MDC1: variants seen among roughly 807,000 people sequenced by gnomAD.
The protein encoded by MDC1 is mediator of DNA damage checkpoint protein 1.
In MDC1, 81 loss-of-function variants were observed where a neutral mutation model predicts 142.5. The observed-to-expected ratio is 0.57, with a 90% confidence interval of 0.47 to 0.68. The LOEUF (loss-of-function observed/expected upper bound fraction) is 0.68. MDC1 is among the 30% of genes least tolerant of loss of function. The probability of loss-of-function intolerance (pLI) is 0.00; values close to 1 mark genes in which losing one functional copy is unlikely to be tolerated. For synonymous variants in MDC1, 797 were observed against 968.4 expected, an observed-to-expected ratio of 0.82 and a Z score of 3.29; for missense variants, 2,119 against 2,547.9, an observed-to-expected ratio of 0.83 and a Z score of 3.62.
chr6:30,704,573 A>G lies in MDC1; in HGVS notation c.4610T>C (p.Leu1537Pro), dbSNP rs1348676176. The G allele has an allele frequency of 6.9e-6, 11 of 1,604,692 alleles. No individual in the cohort carries two copies. The highest frequency in any genetic ancestry group is 2.3e-5 in the East Asian group (1 of 44,274). ...TTGGTCTGTGGAGGTGGAAGGCTGG[A>G]GCTCAGGGGCTGCGGGCACAACTGT... is the stretch of plus-strand genomic sequence containing the variant. Reference protein sequence around the residue: ...PETVVPAAPELQPSTSTDQPV... With the variant: ...PETVVPAAPEPQPSTSTDQPV... Residue 1537 changes from leucine to proline, a missense_variant, in exon 10 of 15, where the codon CTC (leucine) becomes CCC (proline). Coordinates refer to ENST00000376406, the MANE Select transcript of MDC1 (RefSeq NM_014641.3).
intron 9 of MDC1, 54 bp from the exon 10 acceptor site, chr6:30,706,152 C>T: frequency 7.1e-7 from 1 of 1,408,936 alleles, no homozygotes; most frequent in Non-Finnish European, 9.6e-7. Flanking sequence ...AGAGATAGAA[C>T]TTGGATACTG....
chr6:30,711,836 T>C (rs1343695041), intron 5 of MDC1, 38 bp downstream of exon 5: 2 of 1,546,964 alleles, frequency 1.3e-6, no homozygotes, highest in Non-Finnish European at 1.7e-6. Flanking sequence ...AGAACCCTGG[T>C]TGATTTCAGA....
Position 30,702,868 on chromosome 6 carries a change from C to T in MDC1, c.5875G>A (p.Ala1959Thr). ...TCATCCGGGGGTAAGAAGAAACCAG[C>T]CTTGCGGGACTAAGGACGGCAGCAG... ...SLDWLHQSRK[A>T]GFFLPPDEYV... The change falls in exon 13 of 15, where the codon GCT (alanine) becomes ACT (threonine). Residue 1959 changes from alanine to threonine, a missense_variant. By Grantham distance (58) the Ala-to-Thr change is moderately conservative. Coordinates refer to ENST00000376406, the MANE Select transcript of MDC1 (RefSeq NM_014641.3). 1.2e-6 allele frequency: 2 copies of T among 1,613,066 alleles called. No individual in the cohort carries two copies. The highest frequency in any genetic ancestry group is 1.7e-6 in the Non-Finnish European group (2 of 1,180,026).
intron 14 of MDC1, among the ~76,000 whole-genome samples, chr6:30,702,256 CAAA>C (rs57764077): frequency 3.4e-5 from 2 of 59,146 alleles, no homozygotes; most frequent in African/African-American, 8.4e-5. Flanking sequence ...GACTCCATCT[CAAA>C]AAAAAAAAAA....
Position 30,709,629 on chromosome 6 carries a change from T to A in MDC1, c.2222-1272A>T, listed in dbSNP as rs562240011. 4.6e-5 allele frequency among the ~76,000 whole-genome samples: 7 copies of A among 152,200 alleles called. No individual in the cohort carries two copies. Among genetic ancestry groups the A allele is most frequent in the Non-Finnish European group, 1.0e-4 (7 of 68,040 alleles). The stretch of plus-strand genomic sequence containing the variant: ...ACTTATTCATTCAATCTGACTGGAT[T>A]TTTGTATTCATTAACCAACCTCTTT... On this transcript the variant is annotated intron_variant, in intron 7 of 14. Transcript: ENST00000376406. This position sits in a 1 kb window ranked among gnomAD's most constrained non-coding sequence, Gnocchi z 4.2.
rs1426438852 is a variant in MDC1 at position 30,711,521 on chromosome 6, G to A, written c.2129-17C>T. The A allele has an allele frequency of 6.2e-7, 1 of 1,611,748 alleles. No homozygotes were observed. The highest frequency in any genetic ancestry group is 1.7e-5 in the Admixed American group (1 of 60,000). On this transcript the variant is annotated splice_polypyrimidine_tract_variant and intron_variant, in intron 6 of 14. Transcript: ENST00000376406. ...TCTGGACTGCTGTACAGGAAAAGATGGCCTAAGTTCATCTCCTCCATACTA... is the reference window on the plus strand; with the variant it reads ...TCTGGACTGCTGTACAGGAAAAGATAGCCTAAGTTCATCTCCTCCATACTA...
chr6:30,712,439 T>C lies in MDC1; in HGVS notation c.1503A>G (p.Ala501=). The change falls in exon 5 of 15, where the codon GCA becomes GCG. Residue 501 remains alanine (A), a synonymous_variant. Coordinates refer to ENST00000376406, the MANE Select transcript of MDC1 (RefSeq NM_014641.3). This position sits in a 1 kb window ranked among gnomAD's most constrained non-coding sequence, Gnocchi z 4.7. ...GGTGGATCCCAGGTGAGCTCTTATCTGCTTCCACACTGTCATCACTGTCCC... is the reference window on the plus strand; with the variant it reads ...GGTGGATCCCAGGTGAGCTCTTATCCGCTTCCACACTGTCATCACTGTCCC... ...PFGDSDDSVE[A]DKSSPGIHLE... is the part of the protein sequence containing the mutation. 3.1e-6 allele frequency: 5 copies of C among 1,613,014 alleles called. No individual in the cohort carries two copies. Among genetic ancestry groups the C allele is most frequent in the Non-Finnish European group, 4.2e-6 (5 of 1,179,980 alleles).
intron 7 of MDC1, among the ~76,000 whole-genome samples, chr6:30,708,955 T>C (rs1056277535): frequency 1.3e-5 from 2 of 151,140 alleles, no homozygotes; most frequent in Admixed American, 6.6e-5. Flanking sequence ...CATTCCAGCC[T>C]GAGTGACAGA....
rs1402325543 is a variant in MDC1, at chr6:30,712,130, C to G, written c.1812G>C (p.Gly604=). The G allele has an allele frequency of 6.2e-7, 1 of 1,610,852 alleles. No homozygotes were observed. Among genetic ancestry groups the G allele is most frequent in the South Asian group, 1.1e-5 (1 of 90,712 alleles). ...DVRKSQLPAE[G]DAGAEWAAAV... ...CTGCAGCCCACTCTGCCCCAGCATC[C>G]CCTTCTGCTGGAAGCTGGCTCTTTC... Residue 604 remains glycine (G), a synonymous_variant, in exon 5 of 15, where the codon GGG becomes GGC. Transcript: ENST00000376406. This position sits in a 1 kb window ranked among gnomAD's most constrained non-coding sequence, Gnocchi z 4.7.
At position 30,713,871 on chromosome 6, in the gene MDC1, G is replaced by A. The variant is rs1448033578; in HGVS notation, c.449C>T (p.Thr150Ile). The change falls in exon 3 of 15, where the codon ACA (threonine) becomes ATA (isoleucine). Residue 150 changes from threonine (T) to isoleucine (I), a missense_variant. By Grantham distance (89) the Thr-to-Ile change is moderately conservative. Transcript: ENST00000376406. The surrounding 1 kb of genome is among the most constrained non-coding windows in gnomAD (Gnocchi z 4.9). ...TTGAGTTTCTCCCTGTACTCTGGGT[G>A]TCTCTTCTACTGTCAGAGGGCCCCG... ...VSRGPLTVEETPRVQGETQPQ... is the reference protein window; with the variant it reads ...VSRGPLTVEEIPRVQGETQPQ... 2 of 1,614,118 alleles carry A rather than the reference G, an allele frequency of 1.2e-6. No individual in the cohort carries two copies. Among genetic ancestry groups the A allele is most frequent in the East Asian group, 2.2e-5 (1 of 44,896 alleles).
chr6:30,713,836 G>A lies in MDC1; in HGVS notation c.484C>T (p.Leu162Phe). The A allele has an allele frequency of 6.2e-7, 1 of 1,614,102 alleles. No individual in the cohort carries two copies. Among genetic ancestry groups the A allele is most frequent in the African/African-American group, 1.3e-5 (1 of 75,026 alleles). Residue 162 changes from leucine (L) to phenylalanine (F), a missense_variant, in exon 3 of 15, where the codon CTT (leucine) becomes TTT (phenylalanine). By Grantham distance (22) the Leu-to-Phe change is conservative. Transcript: ENST00000376406. This position sits in a 1 kb window ranked among gnomAD's most constrained non-coding sequence, Gnocchi z 4.9. ...TCCTCCGAGTCCTCAGCCAACAGAA[G>A]CCTCTGGGGTTGAGTTTCTCCCTGT... ...RVQGETQPQR[L>F]LLAEDSEEEV...
intron 7 of MDC1, 59 bp downstream of exon 7, chr6:30,711,353 A>G: frequency 6.8e-7 from 1 of 1,460,088 alleles, no homozygotes; most frequent in Non-Finnish European, 9.6e-7. Flanking sequence ...CCTGAGTGAC[A>G]GAGGAAAAAA....
chr6:30,711,556 T>G (rs6929626), intron 6 of MDC1, 52 bp from the exon 7 acceptor site: 2 of 1,593,700 alleles, frequency 1.3e-6, no homozygotes, highest in Admixed American at 3.3e-5. Flanking sequence ...ACTGTAGGGT[T>G]CCATTCCTGG....
In MDC1 at chr6:30,712,244, A is replaced by T; in HGVS notation, c.1698T>A (p.Ser566=). The part of the protein sequence containing the change: ...VGGPAKLLVV[S]LEEAWPLHGD... The stretch of plus-strand genomic sequence containing the variant: ...CATGCAGAGGCCAGGCTTCCTCTAG[A>T]GATACCACAAGCAGCTTTGCTGGTC... Residue 566 remains serine (S), a synonymous_variant, in exon 5 of 15, where the codon TCT becomes TCA. Transcript: ENST00000376406. The surrounding 1 kb of genome is among the most constrained non-coding windows in gnomAD (Gnocchi z 4.7). 1 of 1,613,066 alleles carries T rather than the reference A, an allele frequency of 6.2e-7. No homozygotes were observed. The highest frequency in any genetic ancestry group is 8.5e-7 in the Non-Finnish European group (1 of 1,180,018).
In MDC1 at chr6:30,704,630, C is replaced by T; in HGVS notation, c.4553G>A (p.Arg1518Lys). 4 of 1,607,294 alleles carry T rather than the reference C, an allele frequency of 2.5e-6. No homozygotes were observed. Among genetic ancestry groups the T allele is most frequent in the Non-Finnish European group, 3.4e-6 (4 of 1,177,530 alleles). ...SEPTSRTTRG[R>K]KNRSSVKTPE... ...GGTCTTGACAGAGGACCGATTTTTT[C>T]TTCCCCTAGTGGTCCGAGATGTGGG... Residue 1518 changes from arginine (R) to lysine (K), a missense_variant, in exon 10 of 15, where the codon AGA (arginine) becomes AAA (lysine). Coordinates refer to ENST00000376406, the MANE Select transcript of MDC1 (RefSeq NM_014641.3).
intron 7 of MDC1, 129 bp downstream of exon 7, chr6:30,711,283 A>C: frequency 5.1e-6 from 4 of 788,058 alleles, no homozygotes; most frequent in Non-Finnish European, 8.4e-6. Context: ...AGCTGAAGGA[A>C]GAGAAACCGC....
rs1460580178 is a variant in MDC1, at chr6:30,717,280, T to C, written c.-39A>G. 1 of 152,108 alleles carries C rather than the reference T, an allele frequency of 6.6e-6. No homozygotes were observed. The highest frequency in any genetic ancestry group is 1.5e-5 in the Non-Finnish European group (1 of 68,022). 9.4% of individuals were successfully genotyped at this position (152,108 alleles called of 1,614,324 possible). A position where few individuals can be genotyped will look rare whatever the true frequency, so the allele number is the denominator to read the frequency against. ...TCCCCGCGCGCGCCACCAGTAACGG[T>C]CGCGACCCAGGTGGAGCGACTGCGT... On this transcript the variant is annotated 5_prime_UTR_variant, in exon 1 of 15. Transcript: ENST00000376406.
Position 30,705,702 on chromosome 6 carries a change from C to G in MDC1, c.3481G>C (p.Val1161Leu). The G allele has an allele frequency of 1.2e-6, 2 of 1,612,766 alleles. No homozygotes were observed. The highest frequency in any genetic ancestry group is 8.5e-7 in the Non-Finnish European group (1 of 1,179,384). ...NRSSVKTPEP[V>L]VPTAPELQPS... ...TGGAGCTCAGGGGCTGTGGGGACAA[C>G]TGGTTCAGGGGTCTTGACAGAGGAC... Residue 1161 changes from valine (V) to leucine (L), a missense_variant, in exon 10 of 15, where the codon GTT (valine) becomes CTT (leucine). By Grantham distance (32) the Val-to-Leu change is conservative (BLOSUM62 1). Transcript: ENST00000376406.
In MDC1 at chr6:30,709,696, C is replaced by T. The variant is rs561001222; in HGVS notation, c.2222-1339G>A. 6.6e-6 allele frequency among the ~76,000 whole-genome samples: 1 copy of T among 152,320 alleles called. No individual in the cohort carries two copies. Among genetic ancestry groups the T allele is most frequent in the South Asian group, 2.1e-4 (1 of 4,826 alleles). ...TACCCTTCCTAGCCTTTGGTAACCA[C>T]CATTCTACTCTCTACTTCCATGAGA... On this transcript the variant is annotated intron_variant, in intron 7 of 14. Transcript: ENST00000376406. This position sits in a 1 kb window ranked among gnomAD's most constrained non-coding sequence, Gnocchi z 4.2.
Sources: gnomAD v4.1 joint callset for allele counts (sites outside exome capture counted in the v4.1 genomes callset) on GRCh38, gnomAD v4.1.1 for gene constraint, Gnocchi (gnomAD v3.1) non-coding constraint, MANE v1.5 for transcripts, NCBI Gene and HGNC (gene_info 2026-07-23, HGNC 2026-07-21) for gene names.